Variants in SLC44A5 observed in about 807,000 individuals in gnomAD.
The protein encoded by SLC44A5 is choline transporter-like protein 5.
A neutral mutation model predicts 101.8 loss-of-function variants in SLC44A5; 57 were observed. The observed-to-expected ratio is 0.56, with a 90% CI of 0.45 to 0.70. The LOEUF (loss-of-function observed/expected upper bound fraction) is 0.70. Ranked by LOEUF, SLC44A5 falls within the 30% of genes least tolerant of loss-of-function variation. The pLI, the probability that SLC44A5 is intolerant of heterozygous loss-of-function variation, is 0.00. For synonymous variants in SLC44A5, 281 were observed against 290.9 expected, an observed-to-expected ratio of 0.97 and a Z score of 0.35; for missense variants, 737 against 853.1, an observed-to-expected ratio of 0.86 and a Z score of 1.70.
chr1:75,354,023 C>A, intron 3 of SLC44A5: 1 of 338,862 alleles, frequency 3.0e-6, no homozygotes. Context: ...ACCTTTCACT[C>A]ACTACTGATT....
intron 2 of SLC44A5, among the ~76,000 whole-genome samples, chr1:75,483,882 A>T (rs149440314): frequency 6.6e-6 from 1 of 152,162 alleles, no homozygotes; most frequent in African/African-American, 2.4e-5. Context: ...CACATCTTAC[A>T]TGGTGGCAGG....
At chr1:75,663,448 A>T in the SLC44A5 span, among the ~76,000 whole-genome samples, 1 of 152,210 alleles carries the variant, frequency 6.6e-6, no homozygotes, top group Non-Finnish European at 1.5e-5. Flanking sequence ...TCTTTAAGCC[A>T]TTCAGACTGT....
At chr1:75,667,965 G>C in the SLC44A5 span, among the ~76,000 whole-genome samples, 1 of 152,168 alleles carries the variant, frequency 6.6e-6, no homozygotes, top group African/African-American at 2.4e-5. Flanking sequence ...TCCCAGACTG[G>C]GGTCTCTTAG....
At chr1:75,505,827 T>C (rs1669222171) in intron 2 of SLC44A5, among the ~76,000 whole-genome samples, 1 of 152,194 alleles carries the variant, frequency 6.6e-6, no homozygotes, top group East Asian at 1.9e-4. Context: ...TGATAGTTTC[T>C]TTTGTTGTGC....
chr1:75,221,654 A>G (rs1220009463), intron 14 of SLC44A5, among the ~76,000 whole-genome samples: 1 of 152,190 alleles, frequency 6.6e-6, no homozygotes, highest in East Asian at 1.9e-4. Flanking sequence ...AGTTTTGCAA[A>G]TGATCTCAAC....
At chr1:75,558,257 C>G (rs1475101039) in intron 1 of SLC44A5, among the ~76,000 whole-genome samples, 1 of 152,082 alleles carries the variant, frequency 6.6e-6, no homozygotes, top group Non-Finnish European at 1.5e-5. Flanking sequence ...TAGAAACATA[C>G]TCTCTAAATT....
the SLC44A5 span, among the ~76,000 whole-genome samples, chr1:75,663,077 C>T: frequency 6.6e-6 from 1 of 152,088 alleles, no homozygotes; most frequent in Non-Finnish European, 1.5e-5. Flanking sequence ...AGAGCTCAAG[C>T]TTTAGAAGCC....
chr1:75,562,818 A>C (rs1331959624), intron 1 of SLC44A5, among the ~76,000 whole-genome samples: 1 of 152,054 alleles, frequency 6.6e-6, no homozygotes, highest in Admixed American at 6.6e-5. Context: ...TATCTTTCTT[A>C]GTGGTCTATT....
intron 2 of SLC44A5, among the ~76,000 whole-genome samples, chr1:75,401,230 A>G (rs1162539731): frequency 6.6e-6 from 1 of 152,174 alleles, no homozygotes; most frequent in Non-Finnish European, 1.5e-5. Context: ...CCTTCCTTTA[A>G]TTTATTCACT....
the SLC44A5 span, among the ~76,000 whole-genome samples, chr1:75,619,894 A>T: frequency 1.9e-4 from 29 of 152,300 alleles, no homozygotes; most frequent in Non-Finnish European, 4.0e-4. Flanking sequence ...CAGGTTTGTT[A>T]CATAGGTATT....
chr1:75,634,197 C>G, the SLC44A5 span, among the ~76,000 whole-genome samples: 4 of 152,096 alleles, frequency 2.6e-5, no homozygotes, highest in African/African-American at 7.2e-5. Context: ...TTGGTTGTGT[C>G]TCTGCCCGGC....
At chr1:75,588,235 GGAAGGAAGGAGT>G (rs2102096190) in intron 1 of SLC44A5, among the ~76,000 whole-genome samples, 1 of 143,228 alleles carries the variant, frequency 7.0e-6, no homozygotes, top group African/African-American at 2.6e-5. Flanking sequence ...AGGGAGGGAG[GGAAGGAAGGAGT>G]GAAGGAGGGA....
At chr1:75,695,580 GA>G in the SLC44A5 span, among the ~76,000 whole-genome samples, 1 of 151,682 alleles carries the variant, frequency 6.6e-6, no homozygotes, top group Non-Finnish European at 1.5e-5. Flanking sequence ...CAATTCCTAG[GA>G]CAATACTTAA....
At chr1:75,648,961 C>T in the SLC44A5 span, among the ~76,000 whole-genome samples, 3 of 152,040 alleles carry the variant, frequency 2.0e-5, no homozygotes, top group Admixed American at 6.6e-5. Flanking sequence ...TTTGAAATTA[C>T]AATAATTTTT....
chr1:75,449,191 A>C (rs972493778), intron 2 of SLC44A5, among the ~76,000 whole-genome samples: 1 of 152,048 alleles, frequency 6.6e-6, no homozygotes, highest in African/African-American at 2.4e-5. Flanking sequence ...TGATACATTT[A>C]TTTTTGTGAT....
the SLC44A5 span, among the ~76,000 whole-genome samples, chr1:75,619,073 A>T: frequency 2.9e-4 from 6 of 20,372 alleles, no homozygotes; most frequent in African/African-American, 7.6e-4. Flanking sequence ...TCTGTCTCAA[A>T]AAAAAAGGGG....
chr1:75,512,641 G>A (rs761706871), intron 2 of SLC44A5, among the ~76,000 whole-genome samples: 1 of 152,214 alleles, frequency 6.6e-6, no homozygotes, highest in African/African-American at 2.4e-5. Flanking sequence ...ATGCACACAA[G>A]TAGATATTGG....
intron 2 of SLC44A5, among the ~76,000 whole-genome samples, chr1:75,402,184 C>A (rs963986827): frequency 2.0e-5 from 3 of 152,178 alleles, no homozygotes; most frequent in Non-Finnish European, 4.4e-5. Context: ...GAAAAAAACA[C>A]ATTTTGGACA....
the SLC44A5 span, among the ~76,000 whole-genome samples, chr1:75,697,635 A>C: frequency 2.0e-5 from 3 of 152,134 alleles, no homozygotes; most frequent in African/African-American, 7.2e-5. Context: ...AAATACAAAA[A>C]TTAGGGGGAG....
Sources: allele counts gnomAD v4.1 joint callset (sites outside exome capture counted in the v4.1 genomes callset), GRCh38; gene constraint gnomAD v4.1.1; transcripts MANE v1.5; gene names NCBI Gene and HGNC (gene_info 2026-07-23, HGNC 2026-07-21).